The following ZSCAN5A variants were observed in gnomAD, a reference collection of about 807,000 sequenced individuals.
ZSCAN5A encodes zinc finger and SCAN domain containing 5A.
In ZSCAN5A, 12 loss-of-function variants were observed where a neutral mutation model predicts 23.7. The ratio of observed to expected loss-of-function variants is 0.51; its 90% CI spans 0.32 to 0.82. The LOEUF is 0.82. Among genes scored for constraint, ZSCAN5A ranks in the 40% least tolerant of loss-of-function variants. The pLI, the probability that ZSCAN5A is intolerant of heterozygous loss-of-function variation, is 0.03. For missense variants in ZSCAN5A, 597 were observed against 617.9 expected (o/e 0.97, Z 0.36); for synonymous variants, 257 against 239.9 (o/e 1.07, Z -0.66).
intron 2 of ZSCAN5A, chr19:56,320,567 A>G: frequency 3.8e-6 from 2 of 519,624 alleles, no homozygotes; most frequent in South Asian, 2.0e-5. Flanking sequence ...AGCCGAGATC[A>G]TACCATTGCA....
chr19:56,340,239 T>C (rs1367114049), intron 2 of ZSCAN5A, among the ~76,000 whole-genome samples: 1 of 152,162 alleles, frequency 6.6e-6, no homozygotes, highest in Non-Finnish European at 1.5e-5. Flanking sequence ...ATGTCAACTT[T>C]CAGAAGGAAT....
chr19:56,322,892 C>CT (rs397859568), intron 2 of ZSCAN5A, among the ~76,000 whole-genome samples: 1,739 of 126,804 alleles, frequency 0.014, 28 homozygotes, highest in African/African-American at 0.017. Context: ...TTATTGGTTT[C>CT]TTTTTTTTTT....
At chr19:56,281,779 C>T in intron 2 of ZSCAN5A, 1 of 839,370 alleles carries the variant, frequency 1.2e-6, no homozygotes, top group Non-Finnish European at 1.4e-6. Flanking sequence ...AAGAGAGAGG[C>T]AAAACTGCTG....
At chr19:56,360,726 T>G (rs529345594) in intron 2 of ZSCAN5A, among the ~76,000 whole-genome samples, 11 of 151,984 alleles carry the variant, frequency 7.2e-5, no homozygotes, top group Admixed American at 5.2e-4. Context: ...ATAAAAACTA[T>G]AGAAACTCTA....
chr19:56,329,064 C>T (rs1485441630), intron 2 of ZSCAN5A, among the ~76,000 whole-genome samples: 3 of 149,404 alleles, frequency 2.0e-5, no homozygotes, highest in Admixed American at 2.0e-4. Flanking sequence ...ATAATTTGAC[C>T]TTGGCTGGGC....
chr19:56,322,129 T>A, intron 2 of ZSCAN5A: 1 of 765,168 alleles, frequency 1.3e-6, no homozygotes, highest in African/African-American at 1.7e-5. Flanking sequence ...GCAAAGTCAG[T>A]AGCTGAGCGT....
At chr19:56,247,340 C>A in intron 2 of ZSCAN5A, 1 of 240,860 alleles carries the variant, frequency 4.2e-6, no homozygotes, top group Non-Finnish European at 8.4e-6. Flanking sequence ...CAAGTTTTCA[C>A]CTACAGGAAG....
In ZSCAN5A at chr19:56,330,816, TA is replaced by T. The variant is rs376946933; in HGVS notation, c.-357-14549del. 5.3e-4 allele frequency among the ~76,000 whole-genome samples: 80 copies of T among 151,472 alleles called. 1 individual carries two copies. Among genetic ancestry groups the T allele is most frequent in the Non-Finnish European group, 1.1e-3 (75 of 67,824 alleles). On this transcript the variant is annotated intron_variant, in intron 2 of 6. Coordinates refer to the ZSCAN5A transcript ENST00000587340. ...TTATTAGTTTCGTTTGCTGTGTAATTAGATCCAATTTGTCATTTTTTTGTTG... is the reference window on the plus strand; with the variant it reads ...TTATTAGTTTCGTTTGCTGTGTAATTGATCCAATTTGTCATTTTTTTGTTG...
chr19:56,289,313 C>T (rs933295907), intron 2 of ZSCAN5A, among the ~76,000 whole-genome samples: 4 of 152,076 alleles, frequency 2.6e-5, no homozygotes, highest in African/African-American at 9.7e-5. Flanking sequence ...TGCTCCAATG[C>T]GAGGGAGCTT....
At chr19:56,285,769 A>G (rs995435408) in intron 2 of ZSCAN5A, among the ~76,000 whole-genome samples, 4 of 151,744 alleles carry the variant, frequency 2.6e-5, no homozygotes, top group South Asian at 2.1e-4. Flanking sequence ...ATGAGCCATC[A>G]CGCCCAGCCC....
chr19:56,342,365 T>G (rs990319980), intron 2 of ZSCAN5A: 14 of 161,846 alleles, frequency 8.7e-5, no homozygotes, highest in Non-Finnish European at 1.8e-4. Flanking sequence ...ATATTTTATT[T>G]TGTTTATATC....
intron 2 of ZSCAN5A, chr19:56,247,268 C>T: frequency 2.8e-6 from 1 of 353,630 alleles, no homozygotes; most frequent in East Asian, 6.9e-5. Context: ...AGGATGTTCT[C>T]CTTGAAGTGT....
At chr19:56,252,959 T>C (rs547360868) in intron 2 of ZSCAN5A, among the ~76,000 whole-genome samples, 2 of 152,326 alleles carry the variant, frequency 1.3e-5, no homozygotes, top group African/African-American at 4.8e-5. Context: ...GGCGGCGCAG[T>C]GGCGCCTCTT....
At chr19:56,259,194 C>G (rs907305443) in intron 2 of ZSCAN5A, among the ~76,000 whole-genome samples, 1 of 152,030 alleles carries the variant, frequency 6.6e-6, no homozygotes, top group Non-Finnish European at 1.5e-5. Flanking sequence ...GTCTTCCCAC[C>G]CTGTACTTAT....
intron 2 of ZSCAN5A, among the ~76,000 whole-genome samples, chr19:56,286,108 G>A (rs957916187): frequency 9.2e-5 from 14 of 152,152 alleles, no homozygotes; most frequent in South Asian, 2.1e-4. Flanking sequence ...TGCAACCTCC[G>A]CCTCCCGGGT....
At chr19:56,230,101 CATTATT>C (rs2034323328) in intron 2 of ZSCAN5A, among the ~76,000 whole-genome samples, 1 of 152,036 alleles carries the variant, frequency 6.6e-6, no homozygotes, top group Admixed American at 6.6e-5. Flanking sequence ...TTTCCCAACA[CATTATT>C]ATTATATTAT....
rs111871058 is a variant in ZSCAN5A, at chr19:56,244,944, G to T, written c.-127-19771C>A. ...GAGCCCCTAAGTTCTAATACAAGGTGAGCTGCCATCGGCCAATTGAGTTGG... is the reference window on the plus strand; with the variant it reads ...GAGCCCCTAAGTTCTAATACAAGGTTAGCTGCCATCGGCCAATTGAGTTGG... On this transcript the variant is annotated intron_variant, in intron 2 of 5. Transcript: ENST00000683990. 7.5e-3 allele frequency among the ~76,000 whole-genome samples: 1,149 copies of T among 152,214 alleles called. 16 individuals are homozygous for T. The highest frequency in any genetic ancestry group is 0.026 in the African/African-American group (1,089 of 41,498).
At chr19:56,300,726 C>T (rs868212261) in intron 2 of ZSCAN5A, among the ~76,000 whole-genome samples, 10 of 151,582 alleles carry the variant, frequency 6.6e-5, no homozygotes, top group Admixed American at 2.0e-4. Flanking sequence ...TTTTCGTTTT[C>T]GATTTGCATT....
intron 2 of ZSCAN5A, among the ~76,000 whole-genome samples, chr19:56,339,878 T>C (rs1337013356): frequency 6.6e-6 from 1 of 152,204 alleles, no homozygotes; most frequent in Non-Finnish European, 1.5e-5. Flanking sequence ...AAAGGAGGAA[T>C]TGCAGCCATA....
Sources: allele counts gnomAD v4.1 joint callset (sites outside exome capture counted in the v4.1 genomes callset), GRCh38; gene constraint gnomAD v4.1.1; transcripts MANE v1.5; gene names NCBI Gene and HGNC (gene_info 2026-07-23, HGNC 2026-07-21).